HSD17B12: variants seen among roughly 807,000 people sequenced by gnomAD.
HSD17B12 encodes the protein very-long-chain 3-oxoacyl-CoA reductase.
A neutral mutation model predicts 39.3 loss-of-function variants in HSD17B12; 32 were observed. The observed-to-expected ratio is 0.81, with a 90% CI of 0.61 to 1.09. The LOEUF is 1.09. Among genes scored for constraint, HSD17B12 ranks in the 50% least tolerant of loss-of-function variants. HSD17B12 has a pLI of 0.00. For synonymous variants in HSD17B12, 150 were observed against 146.7 expected (o/e 1.02, Z -0.16); for missense variants, 342 against 382.9 (o/e 0.89, Z 0.89).
At position 43,680,917 on chromosome 11, in the gene HSD17B12, C is replaced by T. The variant is rs140556589; in HGVS notation, c.90C>T (p.Leu30=). 5.6e-5 allele frequency: 91 copies of T among 1,613,628 alleles called. No homozygotes were observed. The highest frequency in any genetic ancestry group is 7.3e-5 in the Non-Finnish European group (86 of 1,179,822). Residue 30 remains leucine (L), a synonymous_variant, in exon 1 of 11, where the codon CTC becomes CTT. Transcript: ENST00000278353. ...AYLALRISYS[L]FTALRVWGVG... is the part of the protein sequence containing the mutation. The stretch of plus-strand genomic sequence containing the variant: ...TAGCCCTGCGTATTTCGTACTCGCT[C>T]TTCACGGCCCTCCGGGTCTGGGGAG...
intron 1 of HSD17B12, among the ~76,000 whole-genome samples, chr11:43,707,128 A>G (rs934146380): frequency 1.3e-5 from 2 of 152,288 alleles, no homozygotes; most frequent in South Asian, 2.1e-4. Context: ...AACTGATTCA[A>G]TAAATTAATT....
intron 3 of HSD17B12, among the ~76,000 whole-genome samples, chr11:43,788,270 A>G (rs1950834238): frequency 6.6e-6 from 1 of 152,154 alleles, no homozygotes; most frequent in African/African-American, 2.4e-5. Flanking sequence ...ACCTCAAGAA[A>G]AGATTCGTTT....
At chr11:43,664,609 C>A in the HSD17B12 span, among the ~76,000 whole-genome samples, 1 of 152,184 alleles carries the variant, frequency 6.6e-6, no homozygotes, top group Non-Finnish European at 1.5e-5. Flanking sequence ...CTAGGCTACT[C>A]CTACCTTCTT....
the HSD17B12 span, among the ~76,000 whole-genome samples, chr11:43,585,910 A>G: frequency 6.6e-6 from 1 of 152,226 alleles, no homozygotes; most frequent in Non-Finnish European, 1.5e-5. Context: ...GAAAAAATCC[A>G]TGGATAGACT....
At chr11:43,557,425 A>G in the HSD17B12 span, among the ~76,000 whole-genome samples, 1 of 152,210 alleles carries the variant, frequency 6.6e-6, no homozygotes, top group Non-Finnish European at 1.5e-5. Context: ...GAGAGAAAGA[A>G]TCACGGTATG....
upstream of HSD17B12, among the ~76,000 whole-genome samples, chr11:43,677,325 C>A (rs1218407924): frequency 6.6e-6 from 1 of 152,100 alleles, no homozygotes. Context: ...ATCAGCAGCC[C>A]CTACTGGCTA....
At chr11:43,641,106 G>GTAC in the HSD17B12 span, 1 of 151,632 alleles carries the variant, frequency 6.6e-6, no homozygotes, top group Non-Finnish European at 1.5e-5. Flanking sequence ...GAAGTATCAT[G>GTAC]TACTAAAACT....
intron 3 of HSD17B12, among the ~76,000 whole-genome samples, chr11:43,780,992 GA>G (rs1446989667): frequency 6.6e-6 from 1 of 152,210 alleles, no homozygotes; most frequent in African/African-American, 2.4e-5. Flanking sequence ...TGTGCATGCA[GA>G]CTAGTCGCAC....
rs1200570038 is a variant in HSD17B12, at chr11:43,855,751, T to G, written c.*503T>G. ...AAGATCTCTTTACGGTTTTATAAAA[T>G]TATCTTCCAGTTTGTACATTTATAT... On this transcript the variant is annotated 3_prime_UTR_variant, in exon 11 of 11. Transcript: ENST00000278353. 6.6e-6 allele frequency: 1 copy of G among 152,530 alleles called. No homozygotes were observed. The highest frequency in any genetic ancestry group is 1.5e-5 in the Non-Finnish European group (1 of 68,036). The allele number at this position is 152,530 out of a possible 1,614,324, so 9.4% of individuals were successfully genotyped here. A position where few individuals can be genotyped will look rare whatever the true frequency, so the allele number is the denominator to read the frequency against.
At chr11:43,579,457 T>G in the HSD17B12 span, 1 of 152,360 alleles carries the variant, frequency 6.6e-6, no homozygotes, top group African/African-American at 2.4e-5. Context: ...GGAGAGGGGC[T>G]GCTTCCAGCT....
At chr11:43,603,518 TGA>T in the HSD17B12 span, among the ~76,000 whole-genome samples, 1 of 152,210 alleles carries the variant, frequency 6.6e-6, no homozygotes, top group Non-Finnish European at 1.5e-5. Context: ...GTAGAAGAAC[TGA>T]TGCAGAAGGA....
chr11:43,792,372 A>G lies in HSD17B12; in HGVS notation c.284-5948A>G, dbSNP rs1438458860. On this transcript the variant is annotated intron_variant, in intron 3 of 10. Coordinates refer to ENST00000278353, the MANE Select transcript of HSD17B12 (RefSeq NM_016142.3). Reference sequence around the variant, plus strand: ...CGTGCGAGACATTTTTATGGTTACAAACTGAATTTTATGAATTTATTTTTA... The same window carrying G: ...CGTGCGAGACATTTTTATGGTTACAGACTGAATTTTATGAATTTATTTTTA... Among the ~76,000 whole-genome samples the G allele has an allele frequency of 2.6e-5, 4 of 152,312 alleles. No homozygotes were observed. The East Asian group carries it at 7.7e-4, about 29-fold the overall frequency.
intron 4 of HSD17B12, among the ~76,000 whole-genome samples, 157 bp from the exon 5 acceptor site, chr11:43,815,280 T>C (rs775726687): frequency 6.6e-6 from 1 of 152,092 alleles, no homozygotes; most frequent in African/African-American, 2.4e-5. Context: ...AAGGATAGAT[T>C]TTGGACAGAA....
chr11:43,770,760 A>G (rs1950641508), intron 3 of HSD17B12, among the ~76,000 whole-genome samples: 1 of 152,160 alleles, frequency 6.6e-6, no homozygotes, highest in Non-Finnish European at 1.5e-5. Flanking sequence ...ACAAGTTTGC[A>G]GTCTTTATTA....
At chr11:43,619,244 AAATAT>A in the HSD17B12 span, among the ~76,000 whole-genome samples, 2 of 45,404 alleles carry the variant, frequency 4.4e-5, no homozygotes, top group East Asian at 3.7e-4. Flanking sequence ...TATATATATA[AAATAT>A]ATATATATAT....
At chr11:43,800,076 A>G (rs1294124074) in intron 4 of HSD17B12, among the ~76,000 whole-genome samples, 1 of 152,218 alleles carries the variant, frequency 6.6e-6, no homozygotes, top group African/African-American at 2.4e-5. Flanking sequence ...CCTAGATCTG[A>G]AACACATAAA....
intron 7 of HSD17B12, among the ~76,000 whole-genome samples, chr11:43,837,251 T>A (rs568526417): frequency 6.6e-6 from 1 of 151,948 alleles, no homozygotes; most frequent in Admixed American, 6.6e-5. Flanking sequence ...ATAAAGGGGG[T>A]CTTTATAGTC....
intron 6 of HSD17B12, among the ~76,000 whole-genome samples, chr11:43,828,963 T>A (rs1331551388): frequency 6.6e-6 from 1 of 152,248 alleles, no homozygotes; most frequent in African/African-American, 2.4e-5. Context: ...TTGTGACTTA[T>A]AATCTGATTA....
At chr11:43,651,039 T>C in the HSD17B12 span, among the ~76,000 whole-genome samples, 1 of 152,198 alleles carries the variant, frequency 6.6e-6, no homozygotes, top group South Asian at 2.1e-4. Flanking sequence ...TAATGTGCTA[T>C]GCATCAGATA....
Sources: gnomAD v4.1 joint callset for allele counts (sites outside exome capture counted in the v4.1 genomes callset) on GRCh38, gnomAD v4.1.1 for gene constraint, MANE v1.5 for transcripts, NCBI Gene and HGNC (gene_info 2026-07-23, HGNC 2026-07-21) for gene names.